RCSD1: variants seen among roughly 807,000 people sequenced by gnomAD.
RCSD1 encodes the protein RCSD domain containing 1.
A neutral mutation model predicts 42.5 loss-of-function variants in RCSD1; 26 were observed. The ratio of observed to expected loss-of-function variants is 0.61; its 90% CI spans 0.45 to 0.85. The LOEUF (loss-of-function observed/expected upper bound fraction) is 0.85, where lower values mean the gene tolerates loss of function less well. Among genes scored for constraint, RCSD1 ranks in the 40% least tolerant of loss-of-function variants. The pLI, the probability that RCSD1 is intolerant of heterozygous loss-of-function variation, is 0.00. For synonymous variants in RCSD1, 220 were observed against 212.2 expected (o/e 1.04, Z -0.32); for missense variants, 571 against 528.3 (o/e 1.08, Z -0.79).
chr1:167,691,866 CT>C (rs1219674067), intron 4 of RCSD1, among the ~76,000 whole-genome samples: 3 of 152,148 alleles, frequency 2.0e-5, no homozygotes, highest in Admixed American at 6.5e-5. Context: ...GGCTGCAGGG[CT>C]CCTAAATAAG....
intron 1 of RCSD1, among the ~76,000 whole-genome samples, chr1:167,672,378 A>G (rs554198057): frequency 6.6e-6 from 1 of 152,326 alleles, no homozygotes; most frequent in Non-Finnish European, 1.5e-5. Flanking sequence ...CTTGCACTAT[A>G]TGAACTTATT....
At chr1:167,669,993 G>A (rs199682878) in intron 1 of RCSD1, among the ~76,000 whole-genome samples, 3 of 10,614 alleles carry the variant, frequency 2.8e-4, no homozygotes, top group Non-Finnish European at 4.4e-4. Context: ...GGACACACAC[G>A]CACACGCACA....
chr1:167,686,479 A>G (rs1659239368), intron 3 of RCSD1, among the ~76,000 whole-genome samples: 1 of 152,244 alleles, frequency 6.6e-6, no homozygotes, highest in African/African-American at 2.4e-5. Flanking sequence ...CCTAAGGCTT[A>G]TAAACAGAAG....
In RCSD1 at chr1:167,659,410, T is replaced by C. The variant is rs550698732; in HGVS notation, c.7-24490T>C. Reference sequence around the variant, plus strand: ...TTCCTTTATAGTCAGGAGGTTTTGTTTCCTGGGGTTTTAAAATTTTAATAG... The same window carrying C: ...TTCCTTTATAGTCAGGAGGTTTTGTCTCCTGGGGTTTTAAAATTTTAATAG... On this transcript the variant is annotated intron_variant, in intron 1 of 6. Coordinates refer to ENST00000367854, the MANE Select transcript of RCSD1 (RefSeq NM_052862.4). Among the ~76,000 whole-genome samples the C allele has an allele frequency of 5.9e-5, 9 of 152,352 alleles. No homozygotes were observed. In the South Asian group the frequency reaches 1.9e-3, roughly 32 times the overall value.
rs1378040949 is a variant in RCSD1, at chr1:167,694,294, TACA to T, written c.471_473del (p.Asn157del). 1.9e-6 allele frequency: 3 copies of T among 1,613,932 alleles called. No homozygotes were observed. Among genetic ancestry groups the T allele is most frequent in the Non-Finnish European group, 1.7e-6 (2 of 1,179,912 alleles). ...CCCTGAAGGCAGTCATCTGCCCTGT[TACA>T]ACAAGGTAAATTCTAGCTCCAGATT... On this transcript the variant is annotated inframe_deletion, in exon 5 of 7. Transcript: ENST00000367854.
At chr1:167,634,083 G>A (rs1351240425) in intron 1 of RCSD1, among the ~76,000 whole-genome samples, 1 of 152,182 alleles carries the variant, frequency 6.6e-6, no homozygotes, top group East Asian at 1.9e-4. Flanking sequence ...CTCAATAAAA[G>A]TTTGCTTGAT....
chr1:167,661,182 T>C, intron 1 of RCSD1, among the ~76,000 whole-genome samples: 1 of 152,276 alleles, frequency 6.6e-6, no homozygotes, highest in East Asian at 1.9e-4. Context: ...GTGACTTATC[T>C]TCATTATAAT....
At chr1:167,657,534 A>G (rs1183537430) in intron 1 of RCSD1, among the ~76,000 whole-genome samples, 1 of 152,202 alleles carries the variant, frequency 6.6e-6, no homozygotes, top group Non-Finnish European at 1.5e-5. Context: ...ACTTCCTAAA[A>G]ACAGCTTCAA....
chr1:167,702,903 A>T (rs545982456), intron 6 of RCSD1, among the ~76,000 whole-genome samples: 1 of 152,328 alleles, frequency 6.6e-6, no homozygotes, highest in South Asian at 2.1e-4. Flanking sequence ...AACTTACCCA[A>T]ACAAAGACAT....
chr1:167,630,406 A>T lies in RCSD1; in HGVS notation c.-18A>T. The T allele has an allele frequency of 6.6e-7, 1 of 1,524,538 alleles. No individual in the cohort carries two copies. Among genetic ancestry groups the T allele is most frequent in the South Asian group, 1.3e-5 (1 of 79,814 alleles). 94.4% of individuals were successfully genotyped at this position (1,524,538 alleles called of 1,614,324 possible). ...GGGCGAGCGGGTGCGTCTGCCGCAG[A>T]GTCGGCACCTGAAGGACATGGAGGT... On this transcript the variant is annotated 5_prime_UTR_variant, in exon 1 of 7. Coordinates refer to ENST00000367854, the MANE Select transcript of RCSD1 (RefSeq NM_052862.4).
intron 1 of RCSD1, among the ~76,000 whole-genome samples, chr1:167,668,645 C>T (rs1237058108): frequency 2.6e-5 from 4 of 151,604 alleles, no homozygotes; most frequent in Non-Finnish European, 5.9e-5. Flanking sequence ...TGAAAGGACT[C>T]TTTTGATTTG....
intron 1 of RCSD1, among the ~76,000 whole-genome samples, chr1:167,631,225 T>C (rs1429994152): frequency 6.6e-6 from 1 of 152,192 alleles, no homozygotes; most frequent in Non-Finnish European, 1.5e-5. Context: ...ATTCCCCACA[T>C]CCCTCTCTTC....
intron 6 of RCSD1, among the ~76,000 whole-genome samples, chr1:167,701,096 T>C (rs1268617246): frequency 6.6e-6 from 1 of 152,090 alleles, no homozygotes; most frequent in African/African-American, 2.4e-5. Context: ...GGGAAGAGAA[T>C]GCCCAGCAAC....
At chr1:167,660,011 G>C (rs1658506113) in intron 1 of RCSD1, among the ~76,000 whole-genome samples, 1 of 152,190 alleles carries the variant, frequency 6.6e-6, no homozygotes, top group Non-Finnish European at 1.5e-5. Flanking sequence ...TTGCACGTAA[G>C]AATTCAGGAC....
At chr1:167,680,562 C>T (rs1659056896) in intron 1 of RCSD1, among the ~76,000 whole-genome samples, 2 of 152,078 alleles carry the variant, frequency 1.3e-5, no homozygotes, top group Non-Finnish European at 2.9e-5. Context: ...CTTACTGCAG[C>T]CTCGACCAAC....
intron 1 of RCSD1, among the ~76,000 whole-genome samples, chr1:167,648,911 C>T (rs2102204828): frequency 6.6e-6 from 1 of 152,280 alleles, no homozygotes; most frequent in East Asian, 1.9e-4. Flanking sequence ...TTAATAAGTG[C>T]CCACTGTGTC....
chr1:167,697,023 T>C (rs1269441068), intron 5 of RCSD1, 76 bp from the exon 6 acceptor site: 11 of 1,385,228 alleles, frequency 7.9e-6, no homozygotes, highest in African/African-American at 7.2e-5. Flanking sequence ...CAGACTGACA[T>C]TGAAAGTGCA....
At chr1:167,703,115 G>A (rs76166708) in intron 6 of RCSD1, among the ~76,000 whole-genome samples, 2,567 of 152,180 alleles carry the variant, frequency 0.017, 76 homozygotes, top group African/African-American at 0.059. Flanking sequence ...TGTTAACATT[G>A]TTCTTTCTTT....
At chr1:167,645,446 A>G (rs1658111333) in intron 1 of RCSD1, among the ~76,000 whole-genome samples, 1 of 152,220 alleles carries the variant, frequency 6.6e-6, no homozygotes, top group Non-Finnish European at 1.5e-5. Flanking sequence ...ATATGTCCCC[A>G]GATAAAGCAG....
Sources: allele counts gnomAD v4.1 joint callset (sites outside exome capture counted in the v4.1 genomes callset), GRCh38; gene constraint gnomAD v4.1.1; transcripts MANE v1.5; gene names NCBI Gene and HGNC (gene_info 2026-07-23, HGNC 2026-07-21).